The following RLIG1 variants were observed in gnomAD, a reference collection of about 807,000 sequenced individuals.
RLIG1 encodes the protein RNA 5'-phosphate and 3'-OH ligase 1.
the RLIG1 span, chr12:88,040,015 T>A: frequency 1.5e-6 from 1 of 662,054 alleles, no homozygotes; most frequent in Non-Finnish European, 2.7e-6. Context: ...TAAATATTTT[T>A]AAATCATTCT....
the RLIG1 span, among the ~76,000 whole-genome samples, chr12:88,037,286 A>G: frequency 6.6e-6 from 1 of 152,126 alleles, no homozygotes; most frequent in African/African-American, 2.4e-5. Context: ...CTACCCAGAA[A>G]TTGTAGAGGG....
the RLIG1 span, chr12:88,043,518 T>C: frequency 5.0e-6 from 4 of 802,000 alleles, no homozygotes; most frequent in Admixed American, 1.1e-4. Context: ...TTTTAGTAGC[T>C]GTTCCCATTT....
At chr12:88,041,076 A>T in the RLIG1 span, among the ~76,000 whole-genome samples, 1 of 152,250 alleles carries the variant, frequency 6.6e-6, no homozygotes, top group African/African-American at 2.4e-5. Flanking sequence ...ATTTTATAAA[A>T]CTGAAATGCT....
the RLIG1 span, among the ~76,000 whole-genome samples, chr12:88,041,166 C>A: frequency 3.2e-4 from 49 of 152,254 alleles, no homozygotes; most frequent in South Asian, 1.9e-3. Flanking sequence ...TTTGACTACT[C>A]TAGGTATTTC....
At chr12:88,035,587 G>C in the RLIG1 span, 1 of 1,527,614 alleles carries the variant, frequency 6.5e-7, no homozygotes. Flanking sequence ...GGGCTTCTCC[G>C]CGACTGGACC....
the RLIG1 span, chr12:88,040,028 A>G: frequency 1.4e-6 from 1 of 693,454 alleles, no homozygotes; most frequent in East Asian, 2.7e-5. Context: ...ATCATTCTGA[A>G]AGATGAACTG....
the RLIG1 span, among the ~76,000 whole-genome samples, chr12:88,046,222 G>A: frequency 6.6e-6 from 1 of 152,124 alleles, no homozygotes. Context: ...AGCACTATGG[G>A]TTACACCTTG....
chr12:88,043,517 C>A, the RLIG1 span: 1 of 791,370 alleles, frequency 1.3e-6, no homozygotes, highest in Non-Finnish European at 2.0e-6. Flanking sequence ...GTTTTAGTAG[C>A]TGTTCCCATT....
the RLIG1 span, chr12:88,048,098 C>G: frequency 2.0e-6 from 1 of 506,914 alleles, no homozygotes; most frequent in Admixed American, 4.2e-5. Context: ...CAGGAGAAGA[C>G]CAGCTATAAA....
chr12:88,048,317 G>C, the RLIG1 span: 1 of 1,605,978 alleles, frequency 6.2e-7, no homozygotes, highest in Non-Finnish European at 8.5e-7. Flanking sequence ...ACATGAACCT[G>C]AACAAATGTG....
chr12:88,036,223 C>T, the RLIG1 span: 2 of 473,798 alleles, frequency 4.2e-6, no homozygotes, highest in African/African-American at 4.1e-5. Flanking sequence ...CTCATATTAC[C>T]AGTAATTACT....
the RLIG1 span, chr12:88,048,972 C>CT: frequency 2.8e-6 from 1 of 351,076 alleles, no homozygotes; most frequent in Non-Finnish European, 5.1e-6. Flanking sequence ...AGCTCACTGC[C>CT]TATTTGATGG....
the RLIG1 span, chr12:88,044,059 CCT>C: frequency 4.0e-6 from 1 of 248,332 alleles, no homozygotes; most frequent in Non-Finnish European, 7.6e-6. Flanking sequence ...ATTGCTTGAG[CCT>C]AGGAGTTTTA....
chr12:88,047,054 C>G, the RLIG1 span: 2 of 1,337,666 alleles, frequency 1.5e-6, no homozygotes, highest in Non-Finnish European at 1.0e-6. Context: ...CTAAAATTCT[C>G]TCTACAAATG....
chr12:88,046,792 A>G, the RLIG1 span: 1 of 1,587,084 alleles, frequency 6.3e-7, no homozygotes, highest in Non-Finnish European at 8.6e-7. Context: ...GCTAATGGCA[A>G]ATTTTCCCAC....
chr12:88,036,817 A>G, the RLIG1 span, among the ~76,000 whole-genome samples: 2 of 152,034 alleles, frequency 1.3e-5, no homozygotes, highest in South Asian at 2.1e-4. Context: ...TTATTACTCA[A>G]TGTTTGTAGC....
chr12:88,046,780 T>G, the RLIG1 span: 1 of 1,576,524 alleles, frequency 6.3e-7, no homozygotes, highest in Non-Finnish European at 8.6e-7. Flanking sequence ...TAAATGAATA[T>G]GGCTAATGGC....
At chr12:88,048,982 G>A in the RLIG1 span, 1 of 363,234 alleles carries the variant, frequency 2.8e-6, no homozygotes, top group Non-Finnish European at 4.9e-6. Flanking sequence ...CTATTTGATG[G>A]CTGTAACAAG....
At chr12:88,049,523 CA>C in the RLIG1 span, 2 of 648,796 alleles carry the variant, frequency 3.1e-6, no homozygotes, top group Non-Finnish European at 5.4e-6. Context: ...CCTGAATGGT[CA>C]AATACAGCAA....
Sources: allele counts gnomAD v4.1 joint callset (sites outside exome capture counted in the v4.1 genomes callset), GRCh38; gene constraint gnomAD v4.1.1; transcripts MANE v1.5; gene names NCBI Gene and HGNC (gene_info 2026-07-23, HGNC 2026-07-21).